Variants in SIL1 observed in about 807,000 individuals in gnomAD.
SIL1 encodes the protein SIL1 nucleotide exchange factor.
SIL1 carries 40 observed loss-of-function variants against 49.1 expected under a neutral mutation model. The ratio of observed to expected loss-of-function variants is 0.81; its 90% CI spans 0.63 to 1.06. SIL1 has a LOEUF of 1.06. Among genes scored for constraint, SIL1 ranks in the 50% least tolerant of loss-of-function variants. The pLI is 0.00. For synonymous variants in SIL1, 253 were observed against 250.8 expected, an observed-to-expected ratio of 1.01 and a Z score of -0.08; for missense variants, 500 against 572.6, an observed-to-expected ratio of 0.87 and a Z score of 1.29.
intron 1 of SIL1, among the ~76,000 whole-genome samples, chr5:139,160,161 A>T (rs1751483260): frequency 6.6e-6 from 1 of 151,072 alleles, no homozygotes; most frequent in East Asian, 1.9e-4. Flanking sequence ...ACACACACAC[A>T]CACACACACA....
intron 1 of SIL1, among the ~76,000 whole-genome samples, chr5:139,137,643 T>A (rs1049085133): frequency 3.3e-5 from 5 of 152,012 alleles, no homozygotes; most frequent in Middle Eastern, 3.4e-3. Flanking sequence ...ACTCGTCATT[T>A]AGCATTAGGT....
intron 9 of SIL1, among the ~76,000 whole-genome samples, chr5:138,949,798 C>CAAA (rs5871689): frequency 2.4e-4 from 20 of 83,292 alleles, no homozygotes; most frequent in Non-Finnish European, 3.9e-4. Flanking sequence ...GACCCTGTCT[C>CAAA]AAAAAAAAAA....
chr5:139,042,399 G>T (rs1431962946), intron 5 of SIL1, among the ~76,000 whole-genome samples: 1 of 152,136 alleles, frequency 6.6e-6, no homozygotes, highest in African/African-American at 2.4e-5. Flanking sequence ...ACATGGGATG[G>T]CAAATAGAAT....
intron 1 of SIL1, among the ~76,000 whole-genome samples, chr5:139,180,381 CA>C (rs35534058): frequency 0.02 from 1,134 of 57,032 alleles, 8 homozygotes; most frequent in African/African-American, 0.051. Flanking sequence ...AACTCCATCT[CA>C]AAAAAAAAAA....
intron 7 of SIL1, among the ~76,000 whole-genome samples, chr5:138,973,609 G>C (rs1767331287): frequency 6.6e-6 from 1 of 152,030 alleles, no homozygotes; most frequent in Non-Finnish European, 1.5e-5. Flanking sequence ...CTAGACATAT[G>C]CCACTGCACC....
chr5:138,955,720 C>G (rs554436629), intron 7 of SIL1, among the ~76,000 whole-genome samples: 1 of 152,320 alleles, frequency 6.6e-6, no homozygotes, highest in Admixed American at 6.5e-5. Flanking sequence ...AAACGTAGGG[C>G]CTTTTGTTCA....
chr5:139,035,440 C>A, intron 5 of SIL1: 2 of 539,522 alleles, frequency 3.7e-6, no homozygotes, highest in Non-Finnish European at 7.3e-6. Flanking sequence ...TCAATCAGGG[C>A]CTGTCTGTTC....
intron 1 of SIL1, among the ~76,000 whole-genome samples, chr5:139,186,183 A>G (rs910182479): frequency 2.0e-5 from 3 of 152,210 alleles, no homozygotes; most frequent in Admixed American, 1.3e-4. Flanking sequence ...TCTAGGGACA[A>G]AAGTTGCTTT....
At chr5:139,082,926 A>G (rs778272817) in intron 3 of SIL1, among the ~76,000 whole-genome samples, 3 of 152,220 alleles carry the variant, frequency 2.0e-5, no homozygotes, top group Non-Finnish European at 2.9e-5. Flanking sequence ...CTCCCGAACT[A>G]GACGAACAGG....
At position 138,980,909 on chromosome 5, in the gene SIL1, A is replaced by G. The variant is rs60082677; in HGVS notation, c.768-29025T>C. Among the ~76,000 whole-genome samples the G allele has an allele frequency of 4.5e-3, 687 of 152,212 alleles. 4 individuals carry two copies. Among genetic ancestry groups the G allele is most frequent in the African/African-American group, 0.016 (665 of 41,552 alleles). On this transcript the variant is annotated intron_variant, in intron 7 of 9. Transcript: ENST00000394817. The stretch of plus-strand genomic sequence containing the variant: ...GCCATGGCAGCCTCATGTTCTTATG[A>G]GAGGTTCACCCTGGGCCAGGTATGG...
intron 3 of SIL1, among the ~76,000 whole-genome samples, chr5:139,064,684 A>G (rs937869614): frequency 6.6e-6 from 1 of 152,216 alleles, no homozygotes; most frequent in African/African-American, 2.4e-5. Context: ...TGCTGGTTTC[A>G]CTAGAAGGAA....
chr5:139,155,689 A>C (rs949551026), intron 1 of SIL1, among the ~76,000 whole-genome samples: 4 of 152,086 alleles, frequency 2.6e-5, no homozygotes, highest in African/African-American at 9.7e-5. Context: ...TCCCCCAAAG[A>C]CCAGCCCAAG....
At chr5:139,036,292 G>A (rs1581048195) in intron 5 of SIL1, among the ~76,000 whole-genome samples, 1 of 150,424 alleles carries the variant, frequency 6.6e-6, no homozygotes, top group Non-Finnish European at 1.5e-5. Flanking sequence ...TTTAGGTTAA[G>A]TCTTTAATCC....
At chr5:139,136,529 A>G (rs1484565063) in intron 1 of SIL1, among the ~76,000 whole-genome samples, 1 of 152,196 alleles carries the variant, frequency 6.6e-6, no homozygotes, top group Non-Finnish European at 1.5e-5. Context: ...AAGCAAGGAA[A>G]CCAGAGGAGC....
At chr5:139,055,677 G>A (rs1373241742) in intron 3 of SIL1, among the ~76,000 whole-genome samples, 2 of 94,294 alleles carry the variant, frequency 2.1e-5, no homozygotes, top group East Asian at 4.2e-4. Context: ...CTCTCCCCAC[G>A]GTCTCCCTCT....
At chr5:139,012,685 A>C (rs962795994) in intron 7 of SIL1, 26 of 152,048 alleles carry the variant, frequency 1.7e-4, no homozygotes, top group African/African-American at 6.3e-4. Context: ...CATATCGTAG[A>C]GCTCCAGCAT....
chr5:139,157,511 C>G, intron 1 of SIL1, among the ~76,000 whole-genome samples: 1 of 152,214 alleles, frequency 6.6e-6, no homozygotes, highest in East Asian at 1.9e-4. Context: ...TGTGAGCAGG[C>G]TGGCCCAGAG....
chr5:138,985,635 CAG>C (rs1231596318), intron 7 of SIL1, among the ~76,000 whole-genome samples: 3 of 152,190 alleles, frequency 2.0e-5, no homozygotes, highest in Admixed American at 1.3e-4. Context: ...CTTGTTTTCA[CAG>C]AGACTTAAAG....
intron 1 of SIL1, among the ~76,000 whole-genome samples, chr5:139,153,222 C>A (rs913149952): frequency 6.6e-6 from 1 of 152,156 alleles, no homozygotes; most frequent in Non-Finnish European, 1.5e-5. Flanking sequence ...GCCATTTCCC[C>A]TCCTCTTTAT....
Sources: gnomAD v4.1 joint callset for allele counts (sites outside exome capture counted in the v4.1 genomes callset) on GRCh38, gnomAD v4.1.1 for gene constraint, MANE v1.5 for transcripts, NCBI Gene and HGNC (gene_info 2026-07-23, HGNC 2026-07-21) for gene names.